The following REXO5 variants were observed in gnomAD, a reference collection of about 807,000 sequenced individuals.
REXO5 encodes RNA exonuclease 5.
Under a neutral mutation model 88.5 loss-of-function variants are expected in REXO5, and 48 were observed. That is an observed-to-expected ratio of 0.54 (90% confidence interval 0.43 to 0.69). REXO5 has a LOEUF of 0.69. REXO5 is among the 30% of genes least tolerant of loss of function. The pLI is 0.00. For missense variants in REXO5, 749 were observed against 912.2 expected, an observed-to-expected ratio of 0.82 and a Z score of 2.30; for synonymous variants, 311 against 336.5, an observed-to-expected ratio of 0.92 and a Z score of 0.83.
At chr16:20,821,608 T>C (rs1207871157) in intron 5 of REXO5, among the ~76,000 whole-genome samples, 154 bp from the exon 6 acceptor site, 1 of 152,224 alleles carries the variant, frequency 6.6e-6, no homozygotes, top group Non-Finnish European at 1.5e-5. Context: ...TGTGTTCTTA[T>C]AATTGTAATA....
chr16:20,821,965 A>G, intron 6 of REXO5, 63 bp downstream of exon 6: 5 of 1,421,798 alleles, frequency 3.5e-6, no homozygotes, highest in Non-Finnish European at 4.7e-6. Flanking sequence ...TTATTTAAAT[A>G]CTACTGTTTG....
chr16:20,808,993 T>C (rs1253743525), intron 2 of REXO5: 1 of 151,936 alleles, frequency 6.6e-6, no homozygotes, highest in Non-Finnish European at 1.5e-5. Flanking sequence ...CCCATAGTGC[T>C]GGGGATTACA....
At chr16:20,816,284 C>A in intron 5 of REXO5, 72 bp downstream of exon 5, 2 of 1,258,752 alleles carry the variant, frequency 1.6e-6, no homozygotes, top group Non-Finnish European at 2.3e-6. Context: ...GTAGGTTTAG[C>A]ACAACAAAAC....
At chr16:20,809,087 T>G (rs1350015459) in intron 2 of REXO5, among the ~76,000 whole-genome samples, 1 of 152,008 alleles carries the variant, frequency 6.6e-6, no homozygotes, top group East Asian at 1.9e-4. Context: ...TGCAAAAAAA[T>G]GTTTAATGTT....
Position 20,828,463 on chromosome 16 carries a change from G to A in REXO5, c.1084G>A (p.Gly362Ser). Reference sequence around the variant, plus strand: ...GGATATACAGTGTCCAGACAGACTTGGTCATGATGCCACAGAAGATGCTAG... The same window carrying A: ...GGATATACAGTGTCCAGACAGACTTAGTCATGATGCCACAGAAGATGCTAG... ...GKDIQCPDRL[G>S]HDATEDARTI... The change falls in exon 11 of 20, where the codon GGT (glycine) becomes AGT (serine). Residue 362 changes from glycine to serine, a missense_variant. Physicochemically the swap from Gly to Ser is moderately conservative, Grantham distance 56. Coordinates refer to ENST00000261377, the MANE Select transcript of REXO5 (RefSeq NM_030941.3). 2.5e-6 allele frequency: 4 copies of A among 1,613,664 alleles called. No homozygotes were observed. Among genetic ancestry groups the A allele is most frequent in the Non-Finnish European group, 3.4e-6 (4 of 1,179,664 alleles).
At chr16:20,817,294 T>C (rs1400499917) in intron 5 of REXO5, among the ~76,000 whole-genome samples, 1 of 152,234 alleles carries the variant, frequency 6.6e-6, no homozygotes, top group Non-Finnish European at 1.5e-5. Flanking sequence ...TGCAATTGTA[T>C]TTGATTTGAT....
At chr16:20,843,075 G>A (rs183555308) in intron 15 of REXO5, among the ~76,000 whole-genome samples, 20 of 152,226 alleles carry the variant, frequency 1.3e-4, no homozygotes, top group African/African-American at 1.2e-4. Flanking sequence ...TTTGATTTGC[G>A]TTTCCCTAAT....
intron 7 of REXO5, 122 bp downstream of exon 7, chr16:20,824,649 G>A (rs1461704053): frequency 3.0e-6 from 2 of 673,540 alleles, no homozygotes; most frequent in Non-Finnish European, 5.2e-6. Flanking sequence ...TGTTTTAATA[G>A]CTGAAAGTAG....
chr16:20,832,281 A>G (rs780833017), intron 12 of REXO5, 22 bp downstream of exon 12: 5 of 1,482,408 alleles, frequency 3.4e-6, no homozygotes, highest in Non-Finnish European at 4.7e-6. Flanking sequence ...AGTTTGAAAC[A>G]AGAGCAAAGA....
chr16:20,813,357 T>G, intron 3 of REXO5, 55 bp downstream of exon 3: 1 of 926,028 alleles, frequency 1.1e-6, no homozygotes, highest in Non-Finnish European at 1.6e-6. Flanking sequence ...TTTTTTTTTT[T>G]TTTTTTTACC....
chr16:20,815,121 A>T, intron 4 of REXO5, 68 bp downstream of exon 4: 2 of 1,522,580 alleles, frequency 1.3e-6, no homozygotes, highest in Non-Finnish European at 1.8e-6. Flanking sequence ...TACATGTGTC[A>T]GGGACCATGC....
chr16:20,833,345 G>A (rs1317239507), intron 13 of REXO5, among the ~76,000 whole-genome samples: 2 of 152,112 alleles, frequency 1.3e-5, no homozygotes, highest in East Asian at 3.9e-4. Flanking sequence ...CTCTGGCTTT[G>A]GTCTTGCATA....
chr16:20,827,344 CT>C lies in REXO5; in HGVS notation c.961-7del. On this transcript the variant is annotated splice_polypyrimidine_tract_variant and splice_region_variant and intron_variant, in intron 9 of 19. Coordinates refer to ENST00000261377, the MANE Select transcript of REXO5 (RefSeq NM_030941.3). ...AGACACTACTCATTTTATTCTCTTT[CT>C]TCCTCAGATGATACATCCATATGTT... is the stretch of plus-strand genomic sequence containing the variant. 2 of 1,610,066 alleles carry C rather than the reference CT, an allele frequency of 1.2e-6. No homozygotes were observed. Among genetic ancestry groups the C allele is most frequent in the African/African-American group, 2.7e-5 (2 of 74,934 alleles).
chr16:20,829,468 C>T (rs2081308269), intron 11 of REXO5, among the ~76,000 whole-genome samples: 1 of 152,076 alleles, frequency 6.6e-6, no homozygotes, highest in Non-Finnish European at 1.5e-5. Context: ...GCATTCTAAC[C>T]TATTAGATTG....
At position 20,827,058 on chromosome 16, in the gene REXO5, C is replaced by G. The variant is rs1329861253; in HGVS notation, c.822C>G (p.Ser274Arg). ...TCCATTTCTCTTTTTTTAATGAAAG[C>G]TTTTCGGGAATCACGAAGAAGATTC... ...PENKILDYLTSFSGITKKILN... is the reference protein window; with the variant it reads ...PENKILDYLTRFSGITKKILN... Residue 274 changes from serine to arginine, a missense_variant and splice_region_variant, in exon 9 of 20, where the codon AGC becomes AGG. Ser to Arg is a moderately radical substitution (Grantham distance 110). Transcript: ENST00000261377. 6.2e-7 allele frequency: 1 copy of G among 1,613,396 alleles called. No individual in the cohort carries two copies. Among genetic ancestry groups the G allele is most frequent in the Admixed American group, 1.7e-5 (1 of 59,974 alleles).
At chr16:20,849,178 ATC>A (rs1459410250) in intron 19 of REXO5, among the ~76,000 whole-genome samples, 1 of 152,258 alleles carries the variant, frequency 6.6e-6, no homozygotes, top group Non-Finnish European at 1.5e-5. Flanking sequence ...TATGCCTCAT[ATC>A]TCTTAATTGG....
intron 14 of REXO5, 111 bp from the exon 15 acceptor site, chr16:20,840,220 C>G (rs1050873006): frequency 1.1e-6 from 1 of 921,808 alleles, no homozygotes; most frequent in African/African-American, 1.7e-5. Context: ...GGACATTTGG[C>G]AAGTATTTAT....
At chr16:20,820,578 T>C (rs1165407144) in intron 5 of REXO5, among the ~76,000 whole-genome samples, 2 of 102,982 alleles carry the variant, frequency 1.9e-5, no homozygotes, top group Non-Finnish European at 3.8e-5. Flanking sequence ...TTTTTTTTTT[T>C]TTTGAGACAG....
At chr16:20,811,745 C>T (rs4783506) in intron 2 of REXO5, among the ~76,000 whole-genome samples, 64,932 of 151,982 alleles carry the variant, frequency 0.43, 16,407 homozygotes, top group Non-Finnish European at 0.58. Flanking sequence ...AACTGTGTTT[C>T]GCTAATGTAA....
Sources: gnomAD v4.1 joint callset for allele counts (sites outside exome capture counted in the v4.1 genomes callset) on GRCh38, gnomAD v4.1.1 for gene constraint, MANE v1.5 for transcripts, NCBI Gene and HGNC (gene_info 2026-07-23, HGNC 2026-07-21) for gene names.